Variants in RASGRF2 observed in about 807,000 individuals in gnomAD.
The protein encoded by RASGRF2 is Ras protein specific guanine nucleotide releasing factor 2.
In RASGRF2, 76 loss-of-function variants were observed where a neutral mutation model predicts 151.0. The ratio of observed to expected loss-of-function variants is 0.50; its 90% CI spans 0.42 to 0.61. The LOEUF (loss-of-function observed/expected upper bound fraction) is 0.61. Among genes scored for constraint, RASGRF2 ranks in the 20% least tolerant of loss-of-function variants. The probability of loss-of-function intolerance (pLI) is 0.00; values close to 1 mark genes in which losing one functional copy is unlikely to be tolerated. For synonymous variants in RASGRF2, 504 were observed against 566.5 expected, an observed-to-expected ratio of 0.89 and a Z score of 1.57; for missense variants, 1,148 against 1,564.6, an observed-to-expected ratio of 0.73 and a Z score of 4.49.
chr5:80,968,850 A>T (rs914341839), intron 1 of RASGRF2, among the ~76,000 whole-genome samples: 7 of 151,850 alleles, frequency 4.6e-5, no homozygotes, highest in African/African-American at 1.7e-4. Context: ...CACCCAGCTA[A>T]TTATTTATTT....
At chr5:81,032,108 G>T (rs1183105535) in intron 1 of RASGRF2, among the ~76,000 whole-genome samples, 1 of 152,104 alleles carries the variant, frequency 6.6e-6, no homozygotes, top group Non-Finnish European at 1.5e-5. Context: ...AGGAGAAGTG[G>T]AATCCCTGAA....
At chr5:81,162,057 A>G (rs1205109363) in intron 17 of RASGRF2, among the ~76,000 whole-genome samples, 1 of 152,062 alleles carries the variant, frequency 6.6e-6, no homozygotes, top group Non-Finnish European at 1.5e-5. Context: ...GGGCTCAGTT[A>G]ATAGGGGTTC....
At chr5:81,170,096 C>T (rs1452478213) in intron 17 of RASGRF2, among the ~76,000 whole-genome samples, 1 of 151,490 alleles carries the variant, frequency 6.6e-6, no homozygotes, top group Non-Finnish European at 1.5e-5. Flanking sequence ...ATCACCCGCA[C>T]CACATGTATC....
intron 1 of RASGRF2, 23 bp from the exon 2 acceptor site, chr5:81,042,854 T>G (rs573282595): frequency 6.5e-7 from 1 of 1,539,386 alleles, no homozygotes; most frequent in East Asian, 2.3e-5. Context: ...AACTAAGTTT[T>G]TTGTGTTTCT....
At chr5:81,151,523 G>A (rs1267480615) in intron 17 of RASGRF2, among the ~76,000 whole-genome samples, 2 of 151,810 alleles carry the variant, frequency 1.3e-5, no homozygotes, top group Non-Finnish European at 2.9e-5. Context: ...GCTGACTTGT[G>A]CCAGAAAGAG....
intron 13 of RASGRF2, among the ~76,000 whole-genome samples, chr5:81,111,766 C>G (rs2112541407): frequency 6.6e-6 from 1 of 152,140 alleles, no homozygotes; most frequent in South Asian, 2.1e-4. Context: ...AGAGCTGATT[C>G]TAGAGAGCAA....
At chr5:81,184,434 C>T (rs1187790702) in intron 18 of RASGRF2, among the ~76,000 whole-genome samples, 2 of 152,176 alleles carry the variant, frequency 1.3e-5, no homozygotes, top group African/African-American at 2.4e-5. Flanking sequence ...AGGCCTTTCA[C>T]GTATGATCTA....
chr5:81,092,365 T>A (rs191535435), intron 9 of RASGRF2, among the ~76,000 whole-genome samples: 92 of 152,232 alleles, frequency 6.0e-4, no homozygotes, highest in African/African-American at 2.1e-3. Flanking sequence ...ATTAATATGC[T>A]ATTTATCTAC....
intron 17 of RASGRF2, among the ~76,000 whole-genome samples, chr5:81,165,172 A>G (rs1267528459): frequency 6.6e-6 from 1 of 152,052 alleles, no homozygotes; most frequent in Non-Finnish European, 1.5e-5. Context: ...ACTTTACAAT[A>G]CCTCAAGTCT....
At chr5:81,034,962 A>G (rs1318134965) in intron 1 of RASGRF2, among the ~76,000 whole-genome samples, 1 of 152,112 alleles carries the variant, frequency 6.6e-6, no homozygotes, top group Non-Finnish European at 1.5e-5. Flanking sequence ...ATAAAAAAAA[A>G]GTCAGGAAAC....
At chr5:80,990,858 A>G (rs1748626871) in intron 1 of RASGRF2, among the ~76,000 whole-genome samples, 1 of 152,182 alleles carries the variant, frequency 6.6e-6, no homozygotes, top group Non-Finnish European at 1.5e-5. Flanking sequence ...AAGGTTCACA[A>G]AAGGTGAGCT....
At chr5:81,080,933 C>A (rs989901424) in intron 7 of RASGRF2, 144 bp downstream of exon 7, 1 of 696,762 alleles carries the variant, frequency 1.4e-6, no homozygotes, top group Non-Finnish European at 2.3e-6. Context: ...TTGAGCTTGA[C>A]CCTGAGATAA....
chr5:81,183,085 T>C (rs1754953647), intron 18 of RASGRF2: 1 of 757,632 alleles, frequency 1.3e-6, no homozygotes. Flanking sequence ...TTTGAATCAG[T>C]AGCTTTTAAA....
chr5:81,163,427 A>G (rs1188961107), intron 17 of RASGRF2, among the ~76,000 whole-genome samples: 2 of 152,150 alleles, frequency 1.3e-5, no homozygotes, highest in East Asian at 1.9e-4. Flanking sequence ...ATTCAAATAT[A>G]TATATTTGAA....
At chr5:81,115,373 T>G (rs916976163) in intron 15 of RASGRF2, among the ~76,000 whole-genome samples, 39 of 152,158 alleles carry the variant, frequency 2.6e-4, no homozygotes, top group African/African-American at 9.2e-4. Flanking sequence ...AAAATCATGA[T>G]GGATTCTTAT....
At chr5:81,034,170 T>A (rs977719711) in intron 1 of RASGRF2, among the ~76,000 whole-genome samples, 11 of 152,060 alleles carry the variant, frequency 7.2e-5, no homozygotes, top group African/African-American at 2.4e-4. Context: ...AAAGAAGACA[T>A]TTATGCAGCC....
intron 17 of RASGRF2, among the ~76,000 whole-genome samples, chr5:81,177,265 T>C (rs1195912182): frequency 6.6e-6 from 1 of 152,036 alleles, no homozygotes; most frequent in Non-Finnish European, 1.5e-5. Flanking sequence ...TAACAAAAGA[T>C]TTTTTTTCCA....
chr5:81,102,637 G>C (rs1021393787), intron 12 of RASGRF2, among the ~76,000 whole-genome samples: 1 of 151,428 alleles, frequency 6.6e-6, no homozygotes, highest in African/African-American at 2.4e-5. Context: ...GGAGGTTGCA[G>C]TGAGCCGAGA....
At chr5:81,142,747 A>G (rs1369764200) in intron 17 of RASGRF2, among the ~76,000 whole-genome samples, 1 of 152,158 alleles carries the variant, frequency 6.6e-6, no homozygotes, top group Non-Finnish European at 1.5e-5. Flanking sequence ...TGTTGAAAAA[A>G]TTATTAAGAA....
Sources: gnomAD v4.1 joint callset for allele counts (sites outside exome capture counted in the v4.1 genomes callset) on GRCh38, gnomAD v4.1.1 for gene constraint, MANE v1.5 for transcripts, NCBI Gene and HGNC (gene_info 2026-07-23, HGNC 2026-07-21) for gene names.